The following MEF2C variants were observed in gnomAD, a reference collection of about 807,000 sequenced individuals.
MEF2C encodes the protein myocyte-specific enhancer factor 2C.
A neutral mutation model predicts 50.5 loss-of-function variants in MEF2C; 6 were observed. The ratio of observed to expected loss-of-function variants is 0.12; its 90% CI spans 0.07 to 0.23. MEF2C has a LOEUF of 0.23. MEF2C is among the 10% of genes least tolerant of loss of function. MEF2C has a pLI of 1.00. For synonymous variants in MEF2C, 183 were observed against 228.0 expected (o/e 0.80, Z 1.78); for missense variants, 276 against 605.0 (o/e 0.46, Z 5.70).
intron 1 of MEF2C, among the ~76,000 whole-genome samples, chr5:88,856,120 G>A (rs909759439): frequency 3.3e-5 from 5 of 152,170 alleles, no homozygotes; most frequent in African/African-American, 7.2e-5. Context: ...AACTTGTTGG[G>A]AACTGGTGTA....
chr5:88,894,231 C>T (rs1011857127), intron 1 of MEF2C, among the ~76,000 whole-genome samples: 1 of 152,268 alleles, frequency 6.6e-6, no homozygotes, highest in South Asian at 2.1e-4. Context: ...GCTGACATGA[C>T]CTGCCCAGGG....
At chr5:88,891,835 G>T (rs1190486381) in intron 1 of MEF2C, among the ~76,000 whole-genome samples, 5 of 151,746 alleles carry the variant, frequency 3.3e-5, no homozygotes, top group Non-Finnish European at 4.4e-5. Flanking sequence ...CTGTCTTTTG[G>T]GTTTGTTTTG....
At chr5:88,834,783 T>C (rs1814418613) in intron 1 of MEF2C, among the ~76,000 whole-genome samples, 1 of 152,168 alleles carries the variant, frequency 6.6e-6, no homozygotes, top group Non-Finnish European at 1.5e-5. Flanking sequence ...AAGTCATAGT[T>C]TTCTAAACCC....
At chr5:88,837,300 CTT>C (rs544632280) in intron 1 of MEF2C, among the ~76,000 whole-genome samples, 4 of 149,730 alleles carry the variant, frequency 2.7e-5, no homozygotes, top group Non-Finnish European at 6.0e-5. Flanking sequence ...CAATGGAAAA[CTT>C]TTTTTTTTCA....
At chr5:88,742,272 A>T (rs1466015097) in intron 6 of MEF2C, 1 of 985,274 alleles carries the variant, frequency 1.0e-6, no homozygotes, top group African/African-American at 1.7e-5. Flanking sequence ...CTCCAAATAA[A>T]ATCTTATCAT....
At chr5:88,780,911 C>T (rs1787678881) in intron 3 of MEF2C, 1 of 985,126 alleles carries the variant, frequency 1.0e-6, no homozygotes, top group South Asian at 4.7e-5. Flanking sequence ...TTCTTGGATA[C>T]AAAGTAGTTC....
chr5:88,733,002 G>T, intron 6 of MEF2C: 2 of 881,410 alleles, frequency 2.3e-6, no homozygotes, highest in Non-Finnish European at 2.7e-6. Flanking sequence ...AAGGCCCCAG[G>T]CTTGAAAAGC....
intron 3 of MEF2C, chr5:88,772,608 A>G: frequency 7.0e-6 from 3 of 429,228 alleles, no homozygotes; most frequent in Non-Finnish European, 9.3e-6. Flanking sequence ...TAGCAGGCAG[A>G]GAGATTTTTC....
chr5:88,842,348 GA>G (rs1438974539), intron 1 of MEF2C, among the ~76,000 whole-genome samples: 4 of 151,438 alleles, frequency 2.6e-5, no homozygotes, highest in African/African-American at 7.3e-5. Context: ...TTTACTGAAA[GA>G]AAAAAAATCT....
intron 3 of MEF2C, among the ~76,000 whole-genome samples, chr5:88,773,558 C>T (rs1783382883): frequency 1.3e-5 from 2 of 152,200 alleles, no homozygotes; most frequent in South Asian, 4.1e-4. Flanking sequence ...TTCTTGCAGA[C>T]AGGAAGTCTC....
intron 6 of MEF2C, among the ~76,000 whole-genome samples, chr5:88,748,527 G>T (rs1423172405): frequency 1.3e-5 from 2 of 152,170 alleles, no homozygotes; most frequent in South Asian, 2.1e-4. Context: ...GAAGTTCTTA[G>T]CTGAAATATA....
intron 1 of MEF2C, among the ~76,000 whole-genome samples, chr5:88,879,426 A>T (rs867747227): frequency 8.6e-5 from 13 of 151,058 alleles, no homozygotes; most frequent in African/African-American, 3.1e-4. Context: ...TTATGAAGAT[A>T]TGTTTCACAT....
intron 1 of MEF2C, chr5:88,843,361 A>T (rs527582636): frequency 1.0e-5 from 10 of 985,168 alleles, no homozygotes; most frequent in Non-Finnish European, 1.1e-5. Context: ...CCCAAAAAAA[A>T]CCCTCAAAGG....
At chr5:88,882,021 A>G (rs1051016435) in intron 1 of MEF2C, among the ~76,000 whole-genome samples, 2 of 152,230 alleles carry the variant, frequency 1.3e-5, no homozygotes, top group Non-Finnish European at 2.9e-5. Flanking sequence ...AAAGAATGAT[A>G]ACTACTGGAC....
Position 88,741,720 on chromosome 5 carries a change from C to T in MEF2C, c.637+7350G>A, listed in dbSNP as rs868555512. 7 of 983,164 alleles carry T rather than the reference C, an allele frequency of 7.1e-6. No homozygotes were observed. In the South Asian group the frequency reaches 1.4e-4, roughly 20 times the overall value. 60.9% of individuals were successfully genotyped at this position (983,164 alleles called of 1,614,324 possible). A position where few individuals can be genotyped will look rare whatever the true frequency, so the allele number is the denominator to read the frequency against. On this transcript the variant is annotated intron_variant, in intron 6 of 10. Transcript: ENST00000504921. ...CCTTATACTTTAAATACAACATAAT[C>T]GGTTCTTTATAATAACTGGAGGTGG...
intron 3 of MEF2C, 115 bp downstream of exon 3, chr5:88,804,483 G>A: frequency 1.1e-6 from 1 of 876,946 alleles, no homozygotes; most frequent in Non-Finnish European, 1.8e-6. Flanking sequence ...GTCTATCTAT[G>A]GGACTATGAA....
At chr5:88,801,187 T>C (rs1798162154) in intron 3 of MEF2C, among the ~76,000 whole-genome samples, 1 of 152,128 alleles carries the variant, frequency 6.6e-6, no homozygotes, top group Non-Finnish European at 1.5e-5. Context: ...GAGTAAACTG[T>C]TTTTAGAGGG....
intron 1 of MEF2C, among the ~76,000 whole-genome samples, chr5:88,836,341 T>A (rs894330478): frequency 6.6e-6 from 1 of 152,076 alleles, no homozygotes; most frequent in Non-Finnish European, 1.5e-5. Context: ...GTCTATCTAG[T>A]AGGATGACCT....
chr5:88,735,382 A>T, intron 6 of MEF2C: 1 of 985,386 alleles, frequency 1.0e-6, no homozygotes, highest in South Asian at 4.7e-5. Context: ...CTCTGCCTGG[A>T]CAATTATCAA....
Sources: allele counts gnomAD v4.1 joint callset (sites outside exome capture counted in the v4.1 genomes callset), GRCh38; gene constraint gnomAD v4.1.1; transcripts MANE v1.5; gene names NCBI Gene and HGNC (gene_info 2026-07-23, HGNC 2026-07-21).